Variants in AK4 observed in about 807,000 individuals in gnomAD.
AK4 encodes the protein adenylate kinase 4, mitochondrial.
Under a neutral mutation model 24.6 loss-of-function variants are expected in AK4, and 13 were observed. The ratio of observed to expected loss-of-function variants is 0.53; its 90% confidence interval spans 0.34 to 0.84. The LOEUF is 0.84. Among genes scored for constraint, AK4 ranks in the 40% least tolerant of loss-of-function variants. The probability of loss-of-function intolerance (pLI) is 0.01; values close to 1 mark genes in which losing one functional copy is unlikely to be tolerated. For synonymous variants in AK4, 88 were observed against 107.0 expected (o/e 0.82, Z 1.10); for missense variants, 192 against 288.2 (o/e 0.67, Z 2.42).
chr1:65,207,241 C>CT (rs1425373840), intron 2 of AK4, among the ~76,000 whole-genome samples: 1 of 152,116 alleles, frequency 6.6e-6, no homozygotes, highest in Non-Finnish European at 1.5e-5. Context: ...CTTCTTGCCT[C>CT]TATCTTGCCC....
intron 2 of AK4, among the ~76,000 whole-genome samples, chr1:65,207,225 A>G (rs564400082): frequency 2.7e-5 from 4 of 150,812 alleles, no homozygotes; most frequent in African/African-American, 9.7e-5. Context: ...CTTCCTCCCT[A>G]CCTCCCTTCT....
intron 2 of AK4, among the ~76,000 whole-genome samples, chr1:65,200,207 G>A (rs575334475): frequency 1.3e-5 from 2 of 151,988 alleles, no homozygotes; most frequent in Non-Finnish European, 2.9e-5. Flanking sequence ...TCTGCGTCAC[G>A]GGCTCCGGTG....
intron 2 of AK4, among the ~76,000 whole-genome samples, chr1:65,199,367 G>T (rs949459453): frequency 6.6e-6 from 1 of 152,132 alleles, no homozygotes; most frequent in Admixed American, 6.5e-5. Context: ...GGCCAACATG[G>T]TGAAACCCCA....
chr1:65,208,002 GAACATAC>G (rs1651862426), intron 2 of AK4, among the ~76,000 whole-genome samples: 2 of 152,176 alleles, frequency 1.3e-5, no homozygotes, highest in Admixed American at 1.3e-4. Flanking sequence ...GTACTGTGAT[GAACATAC>G]AAGTACATGT....
At chr1:65,211,925 G>A (rs893302055) in intron 2 of AK4, among the ~76,000 whole-genome samples, 5 of 152,232 alleles carry the variant, frequency 3.3e-5, no homozygotes, top group Non-Finnish European at 4.4e-5. Flanking sequence ...TAACAGGACA[G>A]TTAGAAAAGT....
chr1:65,169,480 A>G (rs961471080), intron 1 of AK4, among the ~76,000 whole-genome samples: 1 of 152,136 alleles, frequency 6.6e-6, no homozygotes, highest in African/African-American at 2.4e-5. Flanking sequence ...AGAGTAGCCA[A>G]TGTTTTGTGT....
chr1:65,187,593 T>A (rs1331537430), intron 1 of AK4, among the ~76,000 whole-genome samples: 1 of 152,134 alleles, frequency 6.6e-6, no homozygotes, highest in Admixed American at 6.5e-5. Context: ...GTGTGAATTA[T>A]CACAATAAAG....
At chr1:65,224,206 A>G (rs939838498) in intron 3 of AK4, among the ~76,000 whole-genome samples, 7 of 152,160 alleles carry the variant, frequency 4.6e-5, no homozygotes, top group Non-Finnish European at 8.8e-5. Flanking sequence ...CCTACAGTGT[A>G]TGTCATTATT....
At chr1:65,207,877 T>A (rs1651858472) in intron 2 of AK4, among the ~76,000 whole-genome samples, 2 of 152,198 alleles carry the variant, frequency 1.3e-5, no homozygotes, top group South Asian at 4.1e-4. Context: ...CATGATCTCA[T>A]TCTTATTACG....
chr1:65,182,572 G>T (rs1650947906), intron 1 of AK4, among the ~76,000 whole-genome samples: 1 of 151,740 alleles, frequency 6.6e-6, no homozygotes, highest in South Asian at 2.1e-4. Context: ...TTTGCTTAAA[G>T]TATTAGTAGT....
At chr1:65,160,522 C>T (rs563070792) in intron 1 of AK4, among the ~76,000 whole-genome samples, 1 of 152,290 alleles carries the variant, frequency 6.6e-6, no homozygotes, top group African/African-American at 2.4e-5. Context: ...AGCAGTTCTC[C>T]TGCCTCAGAC....
At chr1:65,215,075 C>T (rs1016114583) in intron 2 of AK4, among the ~76,000 whole-genome samples, 2 of 152,136 alleles carry the variant, frequency 1.3e-5, no homozygotes, top group African/African-American at 4.8e-5. Flanking sequence ...CCAAGTCCTG[C>T]TCTCACTCCT....
At chr1:65,196,487 A>G (rs1323913036) in intron 2 of AK4, among the ~76,000 whole-genome samples, 4 of 152,128 alleles carry the variant, frequency 2.6e-5, no homozygotes, top group Non-Finnish European at 5.9e-5. Context: ...TTTGTTAGAG[A>G]TGGAGTCTCT....
intron 2 of AK4, among the ~76,000 whole-genome samples, chr1:65,206,973 A>G (rs1321768536): frequency 6.6e-6 from 1 of 152,166 alleles, no homozygotes; most frequent in Non-Finnish European, 1.5e-5. Flanking sequence ...TATTCAGGAA[A>G]AATCCTCGCG....
intron 1 of AK4, chr1:65,154,467 T>C: frequency 1.9e-6 from 1 of 513,302 alleles, no homozygotes; most frequent in South Asian, 1.4e-5. Context: ...CTTGTTGCAC[T>C]CCTGACAGCA....
At chr1:65,180,633 G>T (rs183927022) in intron 1 of AK4, among the ~76,000 whole-genome samples, 1 of 152,138 alleles carries the variant, frequency 6.6e-6, no homozygotes, top group Admixed American at 6.5e-5. Context: ...TGATATTAGG[G>T]ATAACTTATA....
At chr1:65,190,686 CT>C (rs1233837764) in intron 1 of AK4, 23 bp from the exon 2 acceptor site, 4 of 1,604,234 alleles carry the variant, frequency 2.5e-6, no homozygotes, top group Middle Eastern at 1.9e-4. Context: ...TTGAATACCT[CT>C]TTTTTTCTTG....
rs1652482920 is a variant in AK4, at chr1:65,226,942, T to G, written c.*765T>G. 6.7e-6 allele frequency: 1 copy of G among 149,280 alleles called. No homozygotes were observed. The highest frequency in any genetic ancestry group is 2.5e-5 in the African/African-American group (1 of 39,808). The allele number at this position is 149,280 out of a possible 1,614,324, so 9.2% of individuals were successfully genotyped here. On this transcript the variant is annotated 3_prime_UTR_variant, in exon 5 of 5. Coordinates refer to ENST00000327299, the MANE Select transcript of AK4 (RefSeq NM_013410.4). ...TTGAATCTCTGTATGCACTGAGAAC[T>G]GAGCTATGAAGAGGATCTTATTAAA...
At chr1:65,165,477 G>T (rs531237890) in intron 1 of AK4, among the ~76,000 whole-genome samples, 2 of 151,820 alleles carry the variant, frequency 1.3e-5, no homozygotes, top group Non-Finnish European at 2.9e-5. Flanking sequence ...GAGCTCAGGA[G>T]TTCAAGGCTG....
Sources: gnomAD v4.1 joint callset for allele counts (sites outside exome capture counted in the v4.1 genomes callset) on GRCh38, gnomAD v4.1.1 for gene constraint, MANE v1.5 for transcripts, NCBI Gene and HGNC (gene_info 2026-07-23, HGNC 2026-07-21) for gene names.